PTPRD: variants seen among roughly 807,000 people sequenced by gnomAD.
PTPRD encodes protein tyrosine phosphatase receptor type D, also known as receptor-type tyrosine-protein phosphatase delta.
PTPRD carries 34 observed loss-of-function variants against 214.5 expected under a neutral mutation model. The ratio of observed to expected loss-of-function variants is 0.16; its 90% CI spans 0.12 to 0.21. The LOEUF (loss-of-function observed/expected upper bound fraction) is 0.21. Ranked by LOEUF, PTPRD falls within the 10% of genes least tolerant of loss-of-function variation. PTPRD has a pLI of 1.00. For missense variants in PTPRD, 2,545 were observed against 2,398.7 expected (o/e 1.06, Z -1.27); for synonymous variants, 1,128 against 845.7 (o/e 1.33, Z -5.79).
At chr9:9,705,944 C>T (rs999875732) in intron 7 of PTPRD, among the ~76,000 whole-genome samples, 3 of 152,026 alleles carry the variant, frequency 2.0e-5, no homozygotes, top group African/African-American at 4.8e-5. Flanking sequence ...GTGCAATAGA[C>T]GATGGTCTAC....
chr9:8,948,307 C>T (rs192669554), intron 11 of PTPRD, among the ~76,000 whole-genome samples: 36 of 142,746 alleles, frequency 2.5e-4, no homozygotes, highest in Admixed American at 1.5e-3. Context: ...CGTGAGCCAC[C>T]GCTCCCAGCT....
intron 3 of PTPRD, among the ~76,000 whole-genome samples, chr9:10,045,690 T>C (rs2097375250): frequency 2.0e-5 from 3 of 151,762 alleles, no homozygotes; most frequent in Admixed American, 6.6e-5. Context: ...ATTCCTATTT[T>C]AAATATATAG....
rs546908023 is a variant in PTPRD, at chr9:8,543,076, T to C, written c.353-14297A>G. ...AGACATGAAATTAAGAATCTCCTTA[T>C]AGATAACTCACGGCTGTCACATTTT... On this transcript the variant is annotated intron_variant, in intron 14 of 45. Coordinates refer to ENST00000381196, the MANE Select transcript of PTPRD (RefSeq NM_002839.4). Among the ~76,000 whole-genome samples the C allele has an allele frequency of 9.2e-5, 14 of 152,326 alleles. No homozygotes were observed. The South Asian group carries it at 1.7e-3, about 18-fold the overall frequency.
intron 4 of PTPRD, among the ~76,000 whole-genome samples, chr9:9,955,526 GTTTTTTT>G (rs779657484): frequency 7.5e-6 from 1 of 134,026 alleles, no homozygotes; most frequent in African/African-American, 2.6e-5. Flanking sequence ...GTTTTGTTTT[GTTTTTTT>G]TTTTTTTTGA....
chr9:10,188,972 G>A (rs1564411271), intron 3 of PTPRD, among the ~76,000 whole-genome samples: 1 of 152,092 alleles, frequency 6.6e-6, no homozygotes, highest in Non-Finnish European at 1.5e-5. Context: ...GCTCAACTGT[G>A]GCTAGGTAGT....
At chr9:9,955,917 G>A (rs900801872) in intron 4 of PTPRD, among the ~76,000 whole-genome samples, 6 of 152,092 alleles carry the variant, frequency 3.9e-5, no homozygotes, top group Non-Finnish European at 4.4e-5. Context: ...AGTATCAGAA[G>A]GACTACTCAA....
chr9:8,316,953 C>T lies in PTPRD; in HGVS notation c.*921G>A, dbSNP rs978552518. On this transcript the variant is annotated 3_prime_UTR_variant, in exon 46 of 46. Coordinates refer to ENST00000381196, the MANE Select transcript of PTPRD (RefSeq NM_002839.4). ...GACACACTGTCTATATATACATAGACACCCTTATAAAATATGGATATATAT... is the reference window on the plus strand; with the variant it reads ...GACACACTGTCTATATATACATAGATACCCTTATAAAATATGGATATATAT... 4 of 231,498 alleles carry T rather than the reference C, an allele frequency of 1.7e-5. No homozygotes were observed. The highest frequency in any genetic ancestry group is 6.6e-5 in the African/African-American group (3 of 45,278). 14.3% of individuals were successfully genotyped at this position (231,498 alleles called of 1,614,324 possible).
intron 6 of PTPRD, among the ~76,000 whole-genome samples, chr9:9,763,849 A>C (rs557116497): frequency 1.9e-4 from 29 of 152,232 alleles, no homozygotes; most frequent in African/African-American, 7.0e-4. Context: ...AAAATTATAT[A>C]TTTTTAAATA....
chr9:10,088,429 G>C (rs1212374360), intron 3 of PTPRD, among the ~76,000 whole-genome samples: 2 of 151,654 alleles, frequency 1.3e-5, no homozygotes, highest in Non-Finnish European at 3.0e-5. Flanking sequence ...CAGATAATAG[G>C]ACAAATGATT....
chr9:10,389,756 C>A lies in PTPRD; in HGVS notation c.-599-48739G>T, dbSNP rs139052308. ...CTCCACATCATTATAATAAATACCA[C>A]ATAAAATACTTTACAAACATGCTTT... On this transcript the variant is annotated intron_variant, in intron 2 of 45. Transcript: ENST00000381196. Among the ~76,000 whole-genome samples the A allele has an allele frequency of 2.0e-5, 3 of 151,972 alleles. 1 individual carries two copies. Among genetic ancestry groups the A allele is most frequent in the Non-Finnish European group, 2.9e-5 (2 of 67,890 alleles).
At chr9:8,544,642 G>T (rs960161213) in intron 14 of PTPRD, among the ~76,000 whole-genome samples, 1 of 150,854 alleles carries the variant, frequency 6.6e-6, no homozygotes, top group Admixed American at 6.6e-5. Context: ...GCTAATTTTT[G>T]TATTTTTAGT....
At chr9:10,343,489 AC>A (rs1326238866) in intron 2 of PTPRD, among the ~76,000 whole-genome samples, 1 of 152,166 alleles carries the variant, frequency 6.6e-6, no homozygotes, top group Non-Finnish European at 1.5e-5. Context: ...TTGGGTATAT[AC>A]CCAGTAACGG....
chr9:9,802,971 A>G (rs1436522199), intron 5 of PTPRD, among the ~76,000 whole-genome samples: 1 of 151,906 alleles, frequency 6.6e-6, no homozygotes, highest in Non-Finnish European at 1.5e-5. Flanking sequence ...TAAATTTACT[A>G]TTACTGAACT....
chr9:8,730,886 A>G (rs910751694), intron 12 of PTPRD, among the ~76,000 whole-genome samples: 1 of 152,194 alleles, frequency 6.6e-6, no homozygotes, highest in Non-Finnish European at 1.5e-5. Flanking sequence ...TCACAGCTCT[A>G]CTGTCCAGAC....
At chr9:9,428,620 G>T (rs373283951) in intron 8 of PTPRD, among the ~76,000 whole-genome samples, 10 of 152,160 alleles carry the variant, frequency 6.6e-5, no homozygotes, top group Non-Finnish European at 1.0e-4. Context: ...GCACCATGTC[G>T]CACTTATTCC....
chr9:8,819,578 T>C (rs1369157532), intron 11 of PTPRD, among the ~76,000 whole-genome samples: 7 of 152,088 alleles, frequency 4.6e-5, no homozygotes, highest in African/African-American at 1.4e-4. Context: ...AGAGAATCAC[T>C]TGAACCTTGG....
chr9:9,921,549 G>A (rs1289223131), intron 5 of PTPRD, among the ~76,000 whole-genome samples: 1 of 151,334 alleles, frequency 6.6e-6, no homozygotes, highest in African/African-American at 2.4e-5. Flanking sequence ...AGATGAAATA[G>A]AGTATATTCA....
chr9:10,088,369 T>C (rs373637854), intron 3 of PTPRD, among the ~76,000 whole-genome samples: 1 of 151,752 alleles, frequency 6.6e-6, no homozygotes, highest in Non-Finnish European at 1.5e-5. Context: ...CTTCAATATA[T>C]AAGACTTTCA....
chr9:8,639,332 A>C (rs911957796), intron 12 of PTPRD, among the ~76,000 whole-genome samples: 3 of 152,256 alleles, frequency 2.0e-5, no homozygotes, highest in African/African-American at 7.2e-5. Flanking sequence ...TATGCAATTA[A>C]AATTTCTAGG....
Sources: allele counts gnomAD v4.1 joint callset (sites outside exome capture counted in the v4.1 genomes callset), GRCh38; gene constraint gnomAD v4.1.1; transcripts MANE v1.5; gene names NCBI Gene and HGNC (gene_info 2026-07-23, HGNC 2026-07-21).